The following LIN28B variants were observed in gnomAD, a reference collection of about 807,000 sequenced individuals.
LIN28B encodes lin-28 RNA binding posttranscriptional regulator B.
Under a neutral mutation model 21.9 loss-of-function variants are expected in LIN28B, and 5 were observed. The ratio of observed to expected loss-of-function variants is 0.23; its 90% CI spans 0.12 to 0.48. The LOEUF is 0.48. Ranked by LOEUF, LIN28B falls within the 20% of genes least tolerant of loss-of-function variation. LIN28B has a pLI of 0.98. For missense variants in LIN28B, 245 were observed against 310.5 expected (o/e 0.79, Z 1.58); for synonymous variants, 109 against 111.3 (o/e 0.98, Z 0.13).
intron 2 of LIN28B, among the ~76,000 whole-genome samples, chr6:105,019,661 C>T (rs1771096247): frequency 6.6e-6 from 1 of 152,164 alleles, no homozygotes; most frequent in Non-Finnish European, 1.5e-5. Context: ...ATCTTGGTTC[C>T]TACTTCTGCT....
chr6:105,012,908 G>C (rs1387422196), intron 2 of LIN28B, among the ~76,000 whole-genome samples: 1 of 152,138 alleles, frequency 6.6e-6, no homozygotes, highest in African/African-American at 2.4e-5. Context: ...TTCCAAAGTA[G>C]ATCTACCATT....
At chr6:105,017,072 C>CAA (rs56179020) in intron 2 of LIN28B, among the ~76,000 whole-genome samples, 74 of 85,996 alleles carry the variant, frequency 8.6e-4, no homozygotes, top group African/African-American at 1.3e-3. Flanking sequence ...GACTCTGTCT[C>CAA]AAAAAAAAAA....
intron 3 of LIN28B, among the ~76,000 whole-genome samples, chr6:105,056,932 GTTTTTTACTAC>G (rs1429588368): frequency 6.6e-6 from 1 of 152,070 alleles, no homozygotes; most frequent in Admixed American, 6.6e-5. Flanking sequence ...AAGCGCTACA[GTTTTTTACTAC>G]TTATTGTCCT....
rs752387319 is a variant in LIN28B at position 105,025,323 on chromosome 6, T to C, written c.199-975T>C. 1.4e-4 allele frequency among the ~76,000 whole-genome samples: 22 copies of C among 152,312 alleles called. No homozygotes were observed. In the South Asian group the frequency reaches 1.7e-3, roughly 11 times the overall value. On this transcript the variant is annotated intron_variant, in intron 2 of 3. Coordinates refer to ENST00000345080, the MANE Select transcript of LIN28B (RefSeq NM_001004317.4). ...TGAAAAAATAAATAAAACTACTGATTGAATTATTTTTAGTATATTTTGAAC... is the reference window on the plus strand; with the variant it reads ...TGAAAAAATAAATAAAACTACTGATCGAATTATTTTTAGTATATTTTGAAC...
At chr6:105,075,390 G>T (rs1248285261) in intron 3 of LIN28B, among the ~76,000 whole-genome samples, 1 of 152,196 alleles carries the variant, frequency 6.6e-6, no homozygotes, top group African/African-American at 2.4e-5. Context: ...CTATTTTGGT[G>T]TCAGTCCCTT....
chr6:105,046,069 A>C (rs894991317), intron 3 of LIN28B, among the ~76,000 whole-genome samples: 3 of 152,158 alleles, frequency 2.0e-5, no homozygotes, highest in Non-Finnish European at 4.4e-5. Context: ...CACAACGTGC[A>C]GGTTTGTTAC....
At chr6:104,974,896 T>C (rs113941055) in intron 2 of LIN28B, among the ~76,000 whole-genome samples, 9 of 152,220 alleles carry the variant, frequency 5.9e-5, no homozygotes, top group African/African-American at 1.7e-4. Context: ...CTCTGTTCAT[T>C]GCAACCTCTG....
At chr6:105,033,571 C>T (rs991790334) in intron 3 of LIN28B, among the ~76,000 whole-genome samples, 1 of 151,938 alleles carries the variant, frequency 6.6e-6, no homozygotes, top group African/African-American at 2.4e-5. Context: ...TTTAAATCCT[C>T]CACATTTGAA....
At chr6:104,984,987 CAAAT>C (rs1770305531) in intron 2 of LIN28B, among the ~76,000 whole-genome samples, 1 of 152,082 alleles carries the variant, frequency 6.6e-6, no homozygotes, top group Admixed American at 6.6e-5. Flanking sequence ...ATTAAGAAAA[CAAAT>C]AAAGCCCTGA....
intron 3 of LIN28B, among the ~76,000 whole-genome samples, chr6:105,031,920 A>G (rs990733685): frequency 2.0e-5 from 3 of 152,096 alleles, no homozygotes; most frequent in African/African-American, 7.2e-5. Flanking sequence ...ATCTCCCTCT[A>G]TCTATAATGG....
intron 2 of LIN28B, among the ~76,000 whole-genome samples, chr6:104,980,534 G>A (rs1378817049): frequency 6.6e-6 from 1 of 152,102 alleles, no homozygotes; most frequent in Admixed American, 6.6e-5. Flanking sequence ...ATGATTAGAA[G>A]GTCATATGCT....
Position 105,055,287 on chromosome 6 carries a change from A to G in LIN28B, c.384-23127A>G, listed in dbSNP as rs1772000499. On this transcript the variant is annotated intron_variant, in intron 3 of 3. Coordinates refer to ENST00000345080, the MANE Select transcript of LIN28B (RefSeq NM_001004317.4). ...CTTCTTCATCTGAGATTCTAATTACATATATGTATATATCAGACCATTTCA... is the reference window on the plus strand; with the variant it reads ...CTTCTTCATCTGAGATTCTAATTACGTATATGTATATATCAGACCATTTCA... Among the ~76,000 whole-genome samples, 3 of 152,136 alleles carry G rather than the reference A, an allele frequency of 2.0e-5. No individual in the cohort carries two copies. In the South Asian group the frequency reaches 6.2e-4, roughly 32 times the overall value.
intron 3 of LIN28B, among the ~76,000 whole-genome samples, chr6:105,042,445 A>G (rs751465799): frequency 6.6e-6 from 1 of 151,966 alleles, no homozygotes; most frequent in South Asian, 2.1e-4. Context: ...ATTTGTTTAT[A>G]TGTTTCTTTA....
intron 3 of LIN28B, among the ~76,000 whole-genome samples, chr6:105,071,438 A>G (rs1186193307): frequency 1.3e-5 from 2 of 152,218 alleles, no homozygotes; most frequent in African/African-American, 4.8e-5. Flanking sequence ...ACAAGTTTAT[A>G]GCTTAACAAT....
intron 3 of LIN28B, among the ~76,000 whole-genome samples, chr6:105,070,731 T>C (rs1772318150): frequency 6.6e-6 from 1 of 151,876 alleles, no homozygotes; most frequent in Non-Finnish European, 1.5e-5. Context: ...TGAGCCCTTA[T>C]CACGCCACTG....
At chr6:105,007,652 A>G (rs1411533718) in intron 2 of LIN28B, among the ~76,000 whole-genome samples, 1 of 151,666 alleles carries the variant, frequency 6.6e-6, no homozygotes, top group African/African-American at 2.4e-5. Context: ...AGCCTCCTGA[A>G]TAGCTGGGAC....
intron 3 of LIN28B, among the ~76,000 whole-genome samples, chr6:105,042,285 G>A (rs1165705946): frequency 6.6e-6 from 1 of 152,180 alleles, no homozygotes; most frequent in Admixed American, 6.5e-5. Flanking sequence ...TAGCCAGTCT[G>A]TAAACTGTTA....
At chr6:105,045,283 TG>T (rs1475952472) in intron 3 of LIN28B, among the ~76,000 whole-genome samples, 2 of 146,718 alleles carry the variant, frequency 1.4e-5, no homozygotes, top group South Asian at 2.1e-4. Flanking sequence ...TATGTCATTC[TG>T]TTTTTTTTTT....
intron 3 of LIN28B, among the ~76,000 whole-genome samples, chr6:105,045,196 G>A (rs1771726311): frequency 6.6e-6 from 1 of 150,798 alleles, no homozygotes; most frequent in Non-Finnish European, 1.5e-5. Flanking sequence ...TTTAAATCCT[G>A]AGTATTCCTA....
Sources: allele counts gnomAD v4.1 joint callset (sites outside exome capture counted in the v4.1 genomes callset), GRCh38; gene constraint gnomAD v4.1.1; transcripts MANE v1.5; gene names NCBI Gene and HGNC (gene_info 2026-07-23, HGNC 2026-07-21).